AATK: variants seen among roughly 807,000 people sequenced by gnomAD.
The protein encoded by AATK is serine/threonine-protein kinase LMTK1.
A neutral mutation model predicts 114.3 loss-of-function variants in AATK; 91 were observed. That is an observed-to-expected ratio of 0.80 (90% CI 0.67 to 0.95). The LOEUF is 0.95. AATK is among the 40% of genes least tolerant of loss of function. The probability of loss-of-function intolerance (pLI) is 0.00; values close to 1 mark genes in which losing one functional copy is unlikely to be tolerated. For missense variants in AATK, 2,176 were observed against 1,965.2 expected (o/e 1.11, Z -2.03); for synonymous variants, 1,075 against 916.5 (o/e 1.17, Z -3.12).
chr17:81,120,887 C>T lies in AATK; in HGVS notation c.3049G>A (p.Gly1017Arg), dbSNP rs1285751210. The T allele has an allele frequency of 1.6e-5, 25 of 1,583,918 alleles. No homozygotes were observed. Among genetic ancestry groups the T allele is most frequent in the African/African-American group, 6.7e-5 (5 of 74,270 alleles). ...ATSGPEKKCG[G>R]DRAPGPELGL... ...AGCTCTGGCCCGGGGGCTCGGTCCC[C>T]GCCGCACTTCTTCTCTGGGCCTGAG... is the stretch of plus-strand genomic sequence containing the variant. The change falls in exon 11 of 14, where the codon GGG becomes AGG. Residue 1017 changes from glycine to arginine, a missense_variant. Physicochemically the swap from Gly to Arg is moderately radical, Grantham distance 125. Around this residue, in one of 4 missense-constraint regions of AATK, gnomAD observed 1,701 missense variants for 1,394.7 expected, o/e 1.22. Coordinates refer to ENST00000326724, the MANE Select transcript of AATK (RefSeq NM_001080395.3).
rs1224139740 is a variant in AATK at position 81,126,858 on chromosome 17, T to C, written c.622-298A>G. ...AAACACAGGGCCCAAGTGGATCTGCTTGATGGAGTCTGGGGCTGGTGGTCG... is the reference window on the plus strand; with the variant it reads ...AAACACAGGGCCCAAGTGGATCTGCCTGATGGAGTCTGGGGCTGGTGGTCG... On this transcript the variant is annotated intron_variant, in intron 6 of 13. Coordinates refer to ENST00000326724, the MANE Select transcript of AATK (RefSeq NM_001080395.3). The surrounding 1 kb of genome is among the most constrained non-coding windows in gnomAD (Gnocchi z 5.1). The C allele has an allele frequency of 5.7e-6, 7 of 1,218,252 alleles. No individual in the cohort carries two copies. The African/African-American group carries it at 9.2e-5, about 16-fold the overall frequency. 75.5% of individuals were successfully genotyped at this position (1,218,252 alleles called of 1,614,324 possible).
At chr17:81,138,824 G>A (rs542196703) in intron 1 of AATK, among the ~76,000 whole-genome samples, 6 of 145,632 alleles carry the variant, frequency 4.1e-5, no homozygotes, top group African/African-American at 1.3e-4. Context: ...ACACCCACGT[G>A]AGCGCACACA....
chr17:81,161,799 G>T (rs530636422), intron 1 of AATK, among the ~76,000 whole-genome samples: 2 of 152,278 alleles, frequency 1.3e-5, no homozygotes, highest in African/African-American at 4.8e-5. Context: ...GGGAGCCGGG[G>T]AGGCAGAGGG....
At chr17:81,137,918 G>C (rs1027409009) in intron 1 of AATK, among the ~76,000 whole-genome samples, 3 of 49,752 alleles carry the variant, frequency 6.0e-5, no homozygotes. Flanking sequence ...ACGGGCACAC[G>C]TGCACACAGC....
Position 81,120,106 on chromosome 17 carries a change from G to A in AATK, c.3736-23C>T, listed in dbSNP as rs768783665. The A allele has an allele frequency of 8.9e-6, 13 of 1,465,358 alleles. No homozygotes were observed. In the Admixed American group the frequency reaches 1.4e-4, roughly 16 times the overall value. The allele number at this position is 1,465,358 out of a possible 1,614,324, so 90.8% of individuals were successfully genotyped here. A position where few individuals can be genotyped will look rare whatever the true frequency, so the allele number is the denominator to read the frequency against. On this transcript the variant is annotated intron_variant, in intron 11 of 13. Coordinates refer to ENST00000326724, the MANE Select transcript of AATK (RefSeq NM_001080395.3). Reference sequence around the variant, plus strand: ...TTCCTGGAGGAATCAGAGAGCACCAGGTAGCTCGGCCGCCAGGAGCCGCGG... The same window carrying A: ...TTCCTGGAGGAATCAGAGAGCACCAAGTAGCTCGGCCGCCAGGAGCCGCGG...
At chr17:81,153,070 G>A (rs1187167259) in intron 1 of AATK, among the ~76,000 whole-genome samples, 2 of 152,116 alleles carry the variant, frequency 1.3e-5, no homozygotes, top group African/African-American at 4.8e-5. Context: ...TTGAACTCCC[G>A]ACCTCAGGTG....
At position 81,126,503 on chromosome 17, in the gene AATK, G is replaced by C. The variant is rs757869387; in HGVS notation, c.679C>G (p.Pro227Ala). The change falls in exon 7 of 14, where the codon CCC becomes GCC. Residue 227 changes from proline (P) to alanine (A), a missense_variant. Pro to Ala is a conservative substitution (Grantham distance 27). Around this residue, in one of 4 missense-constraint regions of AATK, gnomAD observed 273 missense variants for 344.1 expected, o/e 0.79. Coordinates refer to ENST00000326724, the MANE Select transcript of AATK (RefSeq NM_001080395.3). This position sits in a 1 kb window ranked among gnomAD's most constrained non-coding sequence, Gnocchi z 5.1. Reference protein sequence around the residue: ...CRVAESMAPDPRTLQRMACEV... With the variant: ...CRVAESMAPDARTLQRMACEV... ...CAGGCCATGCGCTGCAGGGTCCGGG[G>C]GTCGGGAGCCATGGACTCCGCCACC... 17 of 1,551,322 alleles carry C rather than the reference G, an allele frequency of 1.1e-5. No homozygotes were observed. The Admixed American group carries it at 3.1e-4, about 28-fold the overall frequency.
In AATK at chr17:81,120,312, G is replaced by A. The variant is rs755316163; in HGVS notation, c.3624C>T (p.Arg1208=). 3.1e-6 allele frequency: 5 copies of A among 1,610,550 alleles called. No individual in the cohort carries two copies. Among genetic ancestry groups the A allele is most frequent in the Non-Finnish European group, 4.2e-6 (5 of 1,179,216 alleles). The change falls in exon 11 of 14, where the codon CGC becomes CGT. Residue 1208 remains arginine, a synonymous_variant. Transcript: ENST00000326724. ...VAESQSARNL[R]SLLKMPSLLS... ...GCAGGCTGGGCATCTTGAGCAGGCT[G>A]CGCAGGTTGCGCGCGCTCTGGCTCT... is the stretch of plus-strand genomic sequence containing the variant.
intron 1 of AATK, among the ~76,000 whole-genome samples, chr17:81,147,380 A>G (rs1054888604): frequency 1.3e-5 from 2 of 150,970 alleles, no homozygotes; most frequent in African/African-American, 4.9e-5. Context: ...AAAAAAAAGT[A>G]AAAAAGAGCC....
intron 1 of AATK, among the ~76,000 whole-genome samples, chr17:81,143,940 A>G (rs2061178349): frequency 6.6e-6 from 1 of 152,174 alleles, no homozygotes; most frequent in Non-Finnish European, 1.5e-5. Context: ...CCCCCACAAC[A>G]GCAGGTGCAC....
chr17:81,150,502 C>G (rs1393048978), intron 1 of AATK, among the ~76,000 whole-genome samples: 2 of 151,520 alleles, frequency 1.3e-5, no homozygotes. Context: ...GCTCTGCCAC[C>G]AGGGATGCCC....
chr17:81,144,519 G>T (rs899815275), intron 1 of AATK, among the ~76,000 whole-genome samples: 1 of 152,236 alleles, frequency 6.6e-6, no homozygotes, highest in Non-Finnish European at 1.5e-5. Flanking sequence ...CAATGGAGGG[G>T]CAAGGGGGCC....
chr17:81,124,660 A>T, intron 9 of AATK, 67 bp downstream of exon 9: 1 of 1,587,458 alleles, frequency 6.3e-7, no homozygotes, highest in South Asian at 1.1e-5. Flanking sequence ...CATGGCCATG[A>T]TTTGACATGG....
chr17:81,163,477 G>A (rs2061448622), intron 1 of AATK, among the ~76,000 whole-genome samples: 2 of 152,238 alleles, frequency 1.3e-5, no homozygotes, highest in Admixed American at 1.3e-4. Flanking sequence ...GATTTCACAT[G>A]TGCAGAACGG....
intron 12 of AATK, 47 bp from the exon 13 acceptor site, chr17:81,119,627 CG>C (rs1568216841): frequency 6.6e-7 from 1 of 1,508,058 alleles, no homozygotes; most frequent in Admixed American, 2.1e-5. Context: ...CCTGGGACCC[CG>C]GCCCGGCCCC....
chr17:81,158,343 A>G (rs2061391752), intron 1 of AATK, among the ~76,000 whole-genome samples: 2 of 152,288 alleles, frequency 1.3e-5, no homozygotes, highest in Non-Finnish European at 2.9e-5. Context: ...GGCCACAGAG[A>G]TTCCAGGCAG....
chr17:81,126,419 G>C lies in AATK; in HGVS notation c.755+8C>G, dbSNP rs544120475. On this transcript the variant is annotated splice_region_variant and intron_variant, in intron 7 of 13. Transcript: ENST00000326724. This position sits in a 1 kb window ranked among gnomAD's most constrained non-coding sequence, Gnocchi z 5.1. Reference sequence around the variant, plus strand: ...GCTTCCCGGCCGCTGGCCCGCGCCCGCCCTCACCTGTGCACGAAATTGTTG... The same window carrying C: ...GCTTCCCGGCCGCTGGCCCGCGCCCCCCCTCACCTGTGCACGAAATTGTTG... 6 of 1,557,438 alleles carry C rather than the reference G, an allele frequency of 3.9e-6. No individual in the cohort carries two copies. In the South Asian group the frequency reaches 7.1e-5, roughly 18 times the overall value.
chr17:81,122,449 G>C lies in AATK; in HGVS notation c.1487C>G (p.Pro496Arg), dbSNP rs764669060. ...GAEAFPATLS[P>R]GRTARLQELC... Reference sequence around the variant, plus strand: ...CTCCTGCAGGCGTGCGGTGCGGCCAGGGCTCAGCGTGGCCGGGAAGGCCTC... The same window carrying C: ...CTCCTGCAGGCGTGCGGTGCGGCCACGGCTCAGCGTGGCCGGGAAGGCCTC... Residue 496 changes from proline (P) to arginine (R), a missense_variant, in exon 11 of 14, where the codon CCT (proline) becomes CGT (arginine). Coordinates refer to ENST00000326724, the MANE Select transcript of AATK (RefSeq NM_001080395.3). 6.9e-7 allele frequency: 1 copy of C among 1,455,504 alleles called. No homozygotes were observed. Among genetic ancestry groups the C allele is most frequent in the South Asian group, 1.3e-5 (1 of 78,252 alleles). 90.2% of individuals were successfully genotyped at this position (1,455,504 alleles called of 1,614,324 possible).
rs767907098 is a variant in AATK at position 81,122,148 on chromosome 17, G to A, written c.1788C>T (p.Arg596=). 3.9e-6 allele frequency: 6 copies of A among 1,525,622 alleles called. No homozygotes were observed. The South Asian group carries it at 6.0e-5, about 15-fold the overall frequency. 94.5% of individuals were successfully genotyped at this position (1,525,622 alleles called of 1,614,324 possible). Residue 596 remains arginine (R), a synonymous_variant, in exon 11 of 14, where the codon CGC becomes CGT. Coordinates refer to ENST00000326724, the MANE Select transcript of AATK (RefSeq NM_001080395.3). ...VPWGRGDHYP[R]RSLARDPLCP... ...AGAGCGGGTCCCGCGCCAAGCTTCT[G>A]CGAGGGTAGTGGTCGCCGCGGCCCC...
Sources: gnomAD v4.1 joint callset for allele counts (sites outside exome capture counted in the v4.1 genomes callset) on GRCh38, gnomAD v4.1.1 for gene constraint, gnomAD v4.1.1 regional missense constraint, Gnocchi (gnomAD v3.1) non-coding constraint, MANE v1.5 for transcripts, NCBI Gene and HGNC (gene_info 2026-07-23, HGNC 2026-07-21) for gene names.